The following RNF157 variants were observed in gnomAD, a reference collection of about 807,000 sequenced individuals.
The protein encoded by RNF157 is E3 ubiquitin ligase RNF157.
Under a neutral mutation model 88.3 loss-of-function variants are expected in RNF157, and 55 were observed. The observed-to-expected ratio is 0.62, with a 90% CI of 0.50 to 0.78. The LOEUF (loss-of-function observed/expected upper bound fraction) is 0.78, where lower values mean the gene tolerates loss of function less well. RNF157 is among the 30% of genes least tolerant of loss of function. The probability of loss-of-function intolerance (pLI) is 0.00; values close to 1 mark genes in which losing one functional copy is unlikely to be tolerated. For synonymous variants in RNF157, 334 were observed against 341.2 expected (o/e 0.98, Z 0.23); for missense variants, 788 against 860.8 (o/e 0.92, Z 1.06).
chr17:76,233,351 T>C (rs2070228230), intron 1 of RNF157, among the ~76,000 whole-genome samples: 1 of 152,250 alleles, frequency 6.6e-6, no homozygotes, highest in Non-Finnish European at 1.5e-5. Context: ...TTCAACTTTT[T>C]ACTGTCTTTT....
intron 1 of RNF157, among the ~76,000 whole-genome samples, chr17:76,220,955 C>T (rs1262240657): frequency 8.8e-6 from 1 of 113,872 alleles, no homozygotes; most frequent in Admixed American, 8.9e-5. Context: ...GAGATGCTGT[C>T]TCAAAAAAAA....
chr17:76,155,509 G>A (rs1275768588), intron 15 of RNF157, 53 bp downstream of exon 15: 6 of 1,583,654 alleles, frequency 3.8e-6, no homozygotes, highest in East Asian at 2.2e-5. Flanking sequence ...TGCTACTTTG[G>A]ACATGTGCAC....
At chr17:76,186,587 A>G (rs1282300042) in intron 2 of RNF157, among the ~76,000 whole-genome samples, 1 of 152,184 alleles carries the variant, frequency 6.6e-6, no homozygotes, top group Non-Finnish European at 1.5e-5. Context: ...AAGAGTTGTC[A>G]AGATTTCTCT....
At chr17:76,145,654 ATTTT>A (rs2068574166) in intron 18 of RNF157, 10 of 338,404 alleles carry the variant, frequency 3.0e-5, no homozygotes, top group Non-Finnish European at 4.8e-5. Flanking sequence ...CCACTTTTGT[ATTTT>A]AATTACTTGG....
chr17:76,165,962 G>A (rs1177227914), intron 6 of RNF157, among the ~76,000 whole-genome samples: 2 of 151,724 alleles, frequency 1.3e-5, no homozygotes, highest in Non-Finnish European at 2.9e-5. Flanking sequence ...ACAGGGATGA[G>A]CCACTACGCC....
rs556570900 is a variant in RNF157 at position 76,166,045 on chromosome 17, G to A, written c.628+416C>T. ...GCTGGAGTGCAGTGGCACAATCTCG[G>A]CTCACTGCAACCTCCGCCTCCCAGG... On this transcript the variant is annotated intron_variant, in intron 6 of 18. Coordinates refer to ENST00000269391, the MANE Select transcript of RNF157 (RefSeq NM_052916.3). 2.0e-5 allele frequency among the ~76,000 whole-genome samples: 3 copies of A among 152,126 alleles called. No individual in the cohort carries two copies. In the South Asian group the frequency reaches 6.2e-4, roughly 32 times the overall value.
chr17:76,191,790 T>G (rs2069390918), intron 2 of RNF157, among the ~76,000 whole-genome samples: 2 of 152,012 alleles, frequency 1.3e-5, no homozygotes, highest in Non-Finnish European at 2.9e-5. Context: ...TATTAAAATG[T>G]AAAGATAAAG....
chr17:76,224,696 C>T (rs1309966178), intron 1 of RNF157, among the ~76,000 whole-genome samples: 2 of 150,922 alleles, frequency 1.3e-5, no homozygotes, highest in Non-Finnish European at 2.9e-5. Context: ...AATACACTAA[C>T]ACTACTGATA....
chr17:76,150,855 C>T (rs1297285512), intron 18 of RNF157, among the ~76,000 whole-genome samples: 1 of 152,248 alleles, frequency 6.6e-6, no homozygotes, highest in Non-Finnish European at 1.5e-5. Context: ...GCGTGCCCAG[C>T]AAGCTTGGAC....
chr17:76,152,146 A>T (rs1205978549), intron 18 of RNF157, among the ~76,000 whole-genome samples: 1 of 152,160 alleles, frequency 6.6e-6, no homozygotes, highest in Non-Finnish European at 1.5e-5. Context: ...TAATACTCTC[A>T]CTCAGAGCAA....
chr17:76,194,800 G>A (rs1028513790), intron 2 of RNF157, among the ~76,000 whole-genome samples: 4 of 152,278 alleles, frequency 2.6e-5, no homozygotes, highest in Middle Eastern at 3.4e-3. Flanking sequence ...CAGATCACGA[G>A]GTCAGGAGAT....
chr17:76,165,219 C>CA (rs1220026894), intron 7 of RNF157, among the ~76,000 whole-genome samples: 1 of 152,098 alleles, frequency 6.6e-6, no homozygotes, highest in Non-Finnish European at 1.5e-5. Flanking sequence ...TGGACACTCT[C>CA]AGAGCAGAAT....
intron 2 of RNF157, among the ~76,000 whole-genome samples, chr17:76,211,335 C>T (rs559512199): frequency 1.8e-4 from 27 of 152,376 alleles, no homozygotes; most frequent in African/African-American, 5.3e-4. Context: ...CAACTCCCTG[C>T]ACCTCTTCCC....
In RNF157 at chr17:76,149,860, TCC is replaced by T. The variant is rs1343345726; in HGVS notation, c.1921+2493_1921+2494del. 2.8e-4 allele frequency among the ~76,000 whole-genome samples: 43 copies of T among 151,944 alleles called. No homozygotes were observed. The East Asian group carries it at 7.9e-3, about 28-fold the overall frequency. On this transcript the variant is annotated intron_variant, in intron 18 of 18. Transcript: ENST00000269391. ...ACCACCCTGACCAACATGGTAAAAC[TCC>T]GTCTCTGCTAAAAATACAAAAATTA...
At chr17:76,205,810 G>C (rs1261816908) in intron 2 of RNF157, among the ~76,000 whole-genome samples, 1 of 152,142 alleles carries the variant, frequency 6.6e-6, no homozygotes, top group Non-Finnish European at 1.5e-5. Context: ...GCATGAGGAA[G>C]AAGAAACTGT....
chr17:76,192,842 T>C (rs1020740003), intron 2 of RNF157, among the ~76,000 whole-genome samples: 8 of 99,502 alleles, frequency 8.0e-5, no homozygotes, highest in Admixed American at 7.3e-4. Flanking sequence ...CTTTCTTTCC[T>C]TTTTTTTTTT....
chr17:76,226,546 C>T lies in RNF157; in HGVS notation c.88+13607G>A. 3.1e-6 allele frequency: 5 copies of T among 1,613,698 alleles called. No individual in the cohort carries two copies. The Admixed American group carries it at 8.3e-5, about 27-fold the overall frequency. On this transcript the variant is annotated intron_variant, in intron 1 of 18. Coordinates refer to ENST00000269391, the MANE Select transcript of RNF157 (RefSeq NM_052916.3). ...AGTCGAACTCCTTCAAATCCATTTT[C>T]TCCAACATCCAATGTGTCCCAGAGA...
intron 6 of RNF157, 127 bp downstream of exon 6, chr17:76,166,334 A>T: frequency 1.3e-6 from 1 of 780,796 alleles, no homozygotes; most frequent in Non-Finnish European, 2.2e-6. Flanking sequence ...GAGGATGCAG[A>T]GACTGCCTGA....
intron 2 of RNF157, among the ~76,000 whole-genome samples, chr17:76,181,098 A>T (rs1268553263): frequency 6.6e-6 from 1 of 152,146 alleles, no homozygotes; most frequent in Admixed American, 6.5e-5. Flanking sequence ...GCAGAACCAC[A>T]ATTTGAACCC....
Sources: gnomAD v4.1 joint callset for allele counts (sites outside exome capture counted in the v4.1 genomes callset) on GRCh38, gnomAD v4.1.1 for gene constraint, MANE v1.5 for transcripts, NCBI Gene and HGNC (gene_info 2026-07-23, HGNC 2026-07-21) for gene names.